Variants in MGAT4C observed in about 807,000 individuals in gnomAD.
The protein encoded by MGAT4C is alpha-1,3-mannosyl-glycoprotein 4-beta-N-acetylglucosaminyltransferase C.
In MGAT4C, 19 loss-of-function variants were observed where a neutral mutation model predicts 40.1. The ratio of observed to expected loss-of-function variants is 0.47; its 90% CI spans 0.33 to 0.70. The LOEUF (loss-of-function observed/expected upper bound fraction) is 0.70. MGAT4C is among the 30% of genes least tolerant of loss of function. The probability of loss-of-function intolerance (pLI) is 0.02; values close to 1 mark genes in which losing one functional copy is unlikely to be tolerated. For synonymous variants in MGAT4C, 181 were observed against 187.1 expected (o/e 0.97, Z 0.27); for missense variants, 491 against 563.2 (o/e 0.87, Z 1.30).
intron 1 of MGAT4C, among the ~76,000 whole-genome samples, chr12:86,199,466 T>A (rs1317586640): frequency 5.9e-5 from 9 of 152,288 alleles, no homozygotes; most frequent in African/African-American, 2.2e-4. Context: ...TTAAAAAAAT[T>A]CCAAGTTATA....
At chr12:86,371,857 G>C (rs1300921314) in intron 3 of MGAT4C, among the ~76,000 whole-genome samples, 1 of 151,728 alleles carries the variant, frequency 6.6e-6, no homozygotes, top group African/African-American at 2.4e-5. Flanking sequence ...TCAGAGTTGA[G>C]AAAAAGACCT....
At chr12:86,405,509 G>A (rs748916016) in intron 3 of MGAT4C, among the ~76,000 whole-genome samples, 4 of 151,916 alleles carry the variant, frequency 2.6e-5, no homozygotes, top group Non-Finnish European at 5.9e-5. Flanking sequence ...GGAGCACATT[G>A]GGTTTATGGA....
intron 2 of MGAT4C, chr12:86,011,845 AT>A (rs2136821678): frequency 6.1e-6 from 6 of 985,294 alleles, no homozygotes; most frequent in Non-Finnish European, 7.2e-6. Flanking sequence ...TTGGTCTCAA[AT>A]TTGCAACCAG....
intron 1 of MGAT4C, among the ~76,000 whole-genome samples, chr12:86,172,239 A>T (rs1886929133): frequency 6.6e-6 from 1 of 152,280 alleles, no homozygotes; most frequent in African/African-American, 2.4e-5. Context: ...AAACCAAAAA[A>T]ATTAACATAG....
chr12:86,139,778 C>A (rs1240092469), intron 1 of MGAT4C, among the ~76,000 whole-genome samples: 2 of 152,006 alleles, frequency 1.3e-5, no homozygotes, highest in East Asian at 3.9e-4. Flanking sequence ...CTAGACAATG[C>A]CAAATAATTT....
intron 1 of MGAT4C, among the ~76,000 whole-genome samples, chr12:86,232,785 A>C (rs1334276955): frequency 1.3e-5 from 2 of 152,196 alleles, no homozygotes; most frequent in African/African-American, 2.4e-5. Context: ...AAAAACAAAT[A>C]ATTGGCAGCT....
rs1962414356 is a variant in MGAT4C, at chr12:86,615,348, G to T, written c.-229+111861C>A. 7.2e-5 allele frequency among the ~76,000 whole-genome samples: 11 copies of T among 152,026 alleles called. No individual in the cohort carries two copies. In the South Asian group the frequency reaches 2.3e-3, roughly 31 times the overall value. ...CAGTTTACTGTAGTTTAAGGGGTTG[G>T]AGGGTGCTTAAGAAGACAGGTACAT... On this transcript the variant is annotated intron_variant, in intron 2 of 7. Transcript: ENST00000548651.
intron 2 of MGAT4C, among the ~76,000 whole-genome samples, chr12:86,552,214 C>A (rs540801427): frequency 6.6e-6 from 1 of 151,914 alleles, no homozygotes; most frequent in South Asian, 2.1e-4. Flanking sequence ...AAATAATTCA[C>A]TATTATTTTT....
chr12:86,323,356 G>T, intron 4 of MGAT4C, among the ~76,000 whole-genome samples: 1 of 151,170 alleles, frequency 6.6e-6, no homozygotes, highest in African/African-American at 2.4e-5. Flanking sequence ...TATTCAACTT[G>T]CTTTTTGTAT....
At chr12:86,069,468 A>G (rs191790048) in intron 1 of MGAT4C, among the ~76,000 whole-genome samples, 36 of 152,232 alleles carry the variant, frequency 2.4e-4, no homozygotes, top group Admixed American at 2.3e-3. Context: ...TTTGAAACTG[A>G]TATCTATAGT....
intron 2 of MGAT4C, among the ~76,000 whole-genome samples, chr12:86,648,000 T>A (rs1963590713): frequency 1.3e-5 from 2 of 151,934 alleles, no homozygotes; most frequent in African/African-American, 2.4e-5. Flanking sequence ...ATTTTTCTTG[T>A]TTACTATTGT....
rs5799763 is a variant in MGAT4C, at chr12:85,957,657, C to CAAAAAAAAAAAAAAAAAAAAAA, written c.*21631_*21632insTTTTTTTTTTTTTTTTTTTTTT. On this transcript the variant is annotated 3_prime_UTR_variant, in exon 5 of 5. Transcript: ENST00000611864. ...TTTACTGTAGAGTTGAATAAGAAAG[C>CAAAAAAAAAAAAAAAAAAAAAA]AAAAAAAAAAAAAAAAGAAAAAAGA... 2.0e-5 allele frequency: 2 copies of CAAAAAAAAAAAAAAAAAAAAAA among 101,288 alleles called. No homozygotes were observed. Among genetic ancestry groups the CAAAAAAAAAAAAAAAAAAAAAA allele is most frequent in the Non-Finnish European group, 3.8e-5 (2 of 52,728 alleles). 6.3% of individuals were successfully genotyped at this position (101,288 alleles called of 1,614,324 possible).
intron 2 of MGAT4C, among the ~76,000 whole-genome samples, chr12:86,687,730 G>A (rs916584554): frequency 6.6e-6 from 1 of 152,132 alleles, no homozygotes; most frequent in Non-Finnish European, 1.5e-5. Context: ...TTTTGCATTT[G>A]TTGAGAAGTG....
At chr12:86,360,383 T>G (rs573239105) in intron 3 of MGAT4C, among the ~76,000 whole-genome samples, 5 of 152,326 alleles carry the variant, frequency 3.3e-5, no homozygotes, top group African/African-American at 7.2e-5. Context: ...AATATCATAC[T>G]GAATGGGCAA....
chr12:86,490,632 T>C (rs889779159), intron 2 of MGAT4C, among the ~76,000 whole-genome samples: 5 of 152,122 alleles, frequency 3.3e-5, no homozygotes, highest in Non-Finnish European at 5.9e-5. Context: ...GACTGGCAAA[T>C]TGGATAAAGA....
At chr12:86,523,860 C>A (rs1303287805) in intron 2 of MGAT4C, among the ~76,000 whole-genome samples, 1 of 151,256 alleles carries the variant, frequency 6.6e-6, no homozygotes, top group Non-Finnish European at 1.5e-5. Flanking sequence ...TGTCTTTTTT[C>A]ATATTTGTTG....
chr12:86,208,985 T>C (rs537686663), intron 1 of MGAT4C, among the ~76,000 whole-genome samples: 2 of 152,184 alleles, frequency 1.3e-5, no homozygotes, highest in African/African-American at 4.8e-5. Context: ...TTCATTTGTA[T>C]GGACTTTTTT....
chr12:86,127,754 A>C (rs1008814687), intron 1 of MGAT4C, among the ~76,000 whole-genome samples: 2 of 152,168 alleles, frequency 1.3e-5, no homozygotes, highest in Non-Finnish European at 2.9e-5. Flanking sequence ...AGATTAGCCT[A>C]GTATGAAACA....
chr12:86,529,758 C>T (rs971490909), intron 2 of MGAT4C, among the ~76,000 whole-genome samples: 3 of 151,616 alleles, frequency 2.0e-5, no homozygotes, highest in Non-Finnish European at 4.4e-5. Flanking sequence ...TTATTGTGTA[C>T]ACAATGTCTG....
Sources: gnomAD v4.1 joint callset for allele counts (sites outside exome capture counted in the v4.1 genomes callset) on GRCh38, gnomAD v4.1.1 for gene constraint, MANE v1.5 for transcripts, NCBI Gene and HGNC (gene_info 2026-07-23, HGNC 2026-07-21) for gene names.